The following SNTB1 variants were observed in gnomAD, a reference collection of about 807,000 sequenced individuals.
SNTB1 encodes the protein syntrophin beta 1, also known as beta-1-syntrophin.
Under a neutral mutation model 48.9 loss-of-function variants are expected in SNTB1, and 36 were observed. That is an observed-to-expected ratio of 0.74 (90% CI 0.56 to 0.97). The LOEUF (loss-of-function observed/expected upper bound fraction) is 0.97, where lower values mean the gene tolerates loss of function less well. Ranked by LOEUF, SNTB1 falls within the 50% of genes least tolerant of loss-of-function variation. The probability of loss-of-function intolerance (pLI) is 0.00; values close to 1 mark genes in which losing one functional copy is unlikely to be tolerated. For synonymous variants in SNTB1, 299 were observed against 294.6 expected (o/e 1.01, Z -0.15); for missense variants, 786 against 703.4 (o/e 1.12, Z -1.33).
chr8:120,583,556 C>CAAAA (rs1459693939), intron 3 of SNTB1, among the ~76,000 whole-genome samples: 4 of 115,896 alleles, frequency 3.5e-5, no homozygotes, highest in African/African-American at 1.2e-4. Context: ...CACACACACA[C>CAAAA]ACACAAAACT....
At chr8:120,643,494 T>G (rs1383827941) in intron 2 of SNTB1, among the ~76,000 whole-genome samples, 1 of 152,200 alleles carries the variant, frequency 6.6e-6, no homozygotes, top group Non-Finnish European at 1.5e-5. Flanking sequence ...ATAGCTTAGT[T>G]CCCATTTATA....
chr8:120,657,460 C>T (rs955355754), intron 2 of SNTB1, among the ~76,000 whole-genome samples: 1 of 152,146 alleles, frequency 6.6e-6, no homozygotes, highest in African/African-American at 2.4e-5. Context: ...CCAGGCTCAT[C>T]TAGGATAAAT....
At chr8:120,790,418 G>A (rs10087417) in intron 1 of SNTB1, among the ~76,000 whole-genome samples, 17,361 of 151,656 alleles carry the variant, frequency 0.11, 1,398 homozygotes, top group African/African-American at 0.22. Flanking sequence ...AATAAAGGGC[G>A]TCCAAATTGG....
intron 2 of SNTB1, among the ~76,000 whole-genome samples, chr8:120,646,332 A>G (rs1461289195): frequency 1.5e-5 from 2 of 137,102 alleles, no homozygotes; most frequent in Non-Finnish European, 3.2e-5. Context: ...ATTTTGAAAT[A>G]CGTCCCATCA....
chr8:120,787,550 T>C (rs1268797652), intron 1 of SNTB1, among the ~76,000 whole-genome samples: 3 of 152,002 alleles, frequency 2.0e-5, no homozygotes, highest in Non-Finnish European at 2.9e-5. Context: ...ACCATCAGAA[T>C]TACTGGAAAT....
intron 4 of SNTB1, among the ~76,000 whole-genome samples, chr8:120,573,732 T>C (rs1371985573): frequency 6.6e-6 from 1 of 152,180 alleles, no homozygotes; most frequent in Non-Finnish European, 1.5e-5. Context: ...AAAATAGGGT[T>C]CATTGTTTTG....
At chr8:120,791,026 C>G (rs551434223) in intron 1 of SNTB1, among the ~76,000 whole-genome samples, 18 of 151,506 alleles carry the variant, frequency 1.2e-4, no homozygotes, top group African/African-American at 4.4e-4. Context: ...ATACTATATA[C>G]TATATATAGT....
At chr8:120,805,558 TA>T (rs112260448) in intron 1 of SNTB1, among the ~76,000 whole-genome samples, 35 of 148,086 alleles carry the variant, frequency 2.4e-4, no homozygotes, top group African/African-American at 7.6e-4. Flanking sequence ...AAATAAAAAT[TA>T]AAAAAAAAAG....
At chr8:120,633,028 A>G (rs1817009322) in intron 2 of SNTB1, among the ~76,000 whole-genome samples, 1 of 152,222 alleles carries the variant, frequency 6.6e-6, no homozygotes, top group Non-Finnish European at 1.5e-5. Context: ...TAATATACTC[A>G]CACATCCTTG....
At position 120,800,361 on chromosome 8, in the gene SNTB1, T is replaced by A. The variant is rs10092615; in HGVS notation, c.571+10912A>T. ...GAAAGTGCTGAAGGAAAGCAACAGC[T>A]AATTTAGGATATCATATTCAAATTA... On this transcript the variant is annotated intron_variant, in intron 1 of 6. Coordinates refer to ENST00000517992, the MANE Select transcript of SNTB1 (RefSeq NM_021021.4). 2.1e-3 allele frequency among the ~76,000 whole-genome samples: 313 copies of A among 152,240 alleles called. 1 individual carries two copies. Among genetic ancestry groups the A allele is most frequent in the African/African-American group, 7.2e-3 (299 of 41,540 alleles).
In SNTB1 at chr8:120,693,840, T is replaced by C; in HGVS notation, c.640A>G (p.Thr214Ala). 1 of 1,614,098 alleles carries C rather than the reference T, an allele frequency of 6.2e-7. No homozygotes were observed. Residue 214 changes from threonine (T) to alanine (A), a missense_variant, in exon 2 of 7, where the codon ACA (threonine) becomes GCA (alanine). Coordinates refer to ENST00000517992, the MANE Select transcript of SNTB1 (RefSeq NM_021021.4). ...AACCGAGGGGATTCAGGCGGAGGTG[T>C]TTCCCACCCAATCTCGGATACTGGG... ...GSPVSEIGWE[T>A]PPPESPRLGG...
chr8:120,798,815 A>G (rs1820166448), intron 1 of SNTB1, among the ~76,000 whole-genome samples: 1 of 152,064 alleles, frequency 6.6e-6, no homozygotes, highest in African/African-American at 2.4e-5. Context: ...GCTGCGTGCA[A>G]TACACCTTCC....
chr8:120,543,650 C>T (rs756921950), intron 5 of SNTB1, among the ~76,000 whole-genome samples: 2 of 152,110 alleles, frequency 1.3e-5, no homozygotes, highest in Non-Finnish European at 2.9e-5. Context: ...GCTTTCCTAC[C>T]TCATGAATAA....
At chr8:120,632,381 G>A in intron 3 of SNTB1, 63 bp downstream of exon 3, 1 of 1,427,616 alleles carries the variant, frequency 7.0e-7, no homozygotes, top group Non-Finnish European at 9.7e-7. Flanking sequence ...TAGTTTTAGT[G>A]GTTATGAGCG....
intron 3 of SNTB1, among the ~76,000 whole-genome samples, chr8:120,579,848 G>T (rs1057470489): frequency 6.6e-6 from 1 of 151,828 alleles, no homozygotes; most frequent in Non-Finnish European, 1.5e-5. Flanking sequence ...AAATGAATTC[G>T]TGCACATATA....
intron 2 of SNTB1, among the ~76,000 whole-genome samples, chr8:120,685,832 C>G (rs1818021589): frequency 6.6e-6 from 1 of 152,168 alleles, no homozygotes; most frequent in South Asian, 2.1e-4. Context: ...AGAAGCCATG[C>G]CACACCCTCA....
intron 3 of SNTB1, among the ~76,000 whole-genome samples, chr8:120,621,633 A>G (rs1230512484): frequency 6.6e-6 from 1 of 152,228 alleles, no homozygotes; most frequent in Non-Finnish European, 1.5e-5. Flanking sequence ...AAACAAGTGT[A>G]GTAATAGGCA....
intron 3 of SNTB1, among the ~76,000 whole-genome samples, chr8:120,597,694 T>C (rs1020870847): frequency 6.6e-6 from 1 of 152,260 alleles, no homozygotes; most frequent in African/African-American, 2.4e-5. Context: ...AGCAGCATTA[T>C]GGAAGGAGGC....
chr8:120,803,887 G>C (rs1820278295), intron 1 of SNTB1, among the ~76,000 whole-genome samples: 1 of 152,032 alleles, frequency 6.6e-6, no homozygotes, highest in African/African-American at 2.4e-5. Context: ...AGCCATAGGG[G>C]GTCAAAAGAA....
Sources: gnomAD v4.1 joint callset for allele counts (sites outside exome capture counted in the v4.1 genomes callset) on GRCh38, gnomAD v4.1.1 for gene constraint, MANE v1.5 for transcripts, NCBI Gene and HGNC (gene_info 2026-07-23, HGNC 2026-07-21) for gene names.